Variants in MZT2B observed in about 807,000 individuals in gnomAD.
MZT2B encodes the protein mitotic-spindle organizing protein 2B.
A neutral mutation model predicts 12.1 loss-of-function variants in MZT2B; 11 were observed. The observed-to-expected ratio is 0.91, with a 90% confidence interval of 0.57 to 1.50. The LOEUF (loss-of-function observed/expected upper bound fraction) is 1.50. MZT2B is among the 40% of genes most tolerant of loss of function. MZT2B has a pLI of 0.00. For synonymous variants in MZT2B, 85 were observed against 109.5 expected (o/e 0.78, Z 1.40); for missense variants, 209 against 227.7 (o/e 0.92, Z 0.53).
the MZT2B span, among the ~76,000 whole-genome samples, chr2:130,203,556 C>T: frequency 6.6e-6 from 1 of 151,694 alleles, no homozygotes; most frequent in South Asian, 2.1e-4. Flanking sequence ...CTACTTGTGG[C>T]CCTCCACCCA....
chr2:130,183,630 C>G, intron 2 of MZT2B: 1 of 1,279,514 alleles, frequency 7.8e-7, no homozygotes, highest in Non-Finnish European at 1.1e-6. Context: ...GCACAGGCAT[C>G]CTGAGAAGGC....
At chr2:130,193,704 C>A (rs557258035), downstream of MZT2B, 41 of 1,531,954 alleles carry the variant, frequency 2.7e-5, no homozygotes, top group Non-Finnish European at 1.9e-5. Flanking sequence ...GATAGTCTCC[C>A]CAAAGGATGT....
At chr2:130,184,215 G>A (rs568439355) in intron 2 of MZT2B, 17 of 1,414,768 alleles carry the variant, frequency 1.2e-5, no homozygotes, top group South Asian at 3.0e-5. Context: ...CCCCAGAGGC[G>A]AACTGTGGTG....
At chr2:130,184,569 T>C in intron 2 of MZT2B, 1 of 985,284 alleles carries the variant, frequency 1.0e-6, no homozygotes, top group Non-Finnish European at 1.2e-6. Context: ...ACCTCCTGCG[T>C]GCACTTCCTG....
chr2:130,199,364 G>A, the MZT2B span, among the ~76,000 whole-genome samples: 2 of 119,648 alleles, frequency 1.7e-5, no homozygotes, highest in Non-Finnish European at 3.7e-5. Context: ...GGGCAACGTG[G>A]TGAGTCCCAC....
At chr2:130,194,056 G>A (rs774842992), downstream of MZT2B, 1 of 1,614,218 alleles carries the variant, frequency 6.2e-7, no homozygotes, top group South Asian at 1.1e-5. Context: ...GGATGCGGGG[G>A]TACGGCACGA....
At chr2:130,190,747 T>TG (rs1553444064), downstream of MZT2B, 49,891 of 1,289,124 alleles carry the variant, frequency 0.039, 1,495 homozygotes, top group Admixed American at 0.046. Context: ...TACCGTTTTT[T>TG]TTTTTTGTTT....
intron 2 of MZT2B, chr2:130,183,701 C>T: frequency 6.5e-7 from 1 of 1,549,986 alleles, no homozygotes; most frequent in Non-Finnish European, 8.7e-7. Context: ...CACCCGCTGA[C>T]CCAAGAGGGC....
chr2:130,198,303 G>C, the MZT2B span: 12 of 1,349,688 alleles, frequency 8.9e-6, 4 homozygotes, highest in South Asian at 1.6e-4. Flanking sequence ...CTGTCCACCC[G>C]AGGCCAACTT....
intron 2 of MZT2B, chr2:130,184,429 C>T (rs1057415890): frequency 4.4e-5 from 43 of 985,336 alleles, no homozygotes; most frequent in East Asian, 1.1e-4. Context: ...ATGCTGGCCC[C>T]GTGGCCACAC....
downstream of MZT2B, chr2:130,194,538 G>A (rs3828172): frequency 0.35 from 493,306 of 1,390,338 alleles, 80,865 homozygotes; most frequent in Admixed American, 0.42. Context: ...AGCCAGGGCC[G>A]CTTCTCTTTG....
downstream of MZT2B, among the ~76,000 whole-genome samples, chr2:130,191,535 A>G (rs928743610): frequency 6.6e-6 from 1 of 152,198 alleles, no homozygotes; most frequent in African/African-American, 2.4e-5. Flanking sequence ...CTTTCCTAGA[A>G]TTTAGGAAAT....
rs568940003 is a variant in MZT2B, at chr2:130,185,739, G to T, written c.319+2964G>T. 1.6e-4 allele frequency among the ~76,000 whole-genome samples: 22 copies of T among 139,070 alleles called. 1 individual carries two copies. In the South Asian group the frequency reaches 2.3e-3, roughly 14 times the overall value. The allele number at this position is 139,070 out of a possible 152,430, so 91.2% of individuals were successfully genotyped here. A position where few individuals can be genotyped will look rare whatever the true frequency, so the allele number is the denominator to read the frequency against. On this transcript the variant is annotated intron_variant, in intron 2 of 2. Transcript: ENST00000281871. ...ATGTGAGGGTTGTGGCACTGGAAATGCAGGCATAGAGGGGCCAGGAGGATT... is the reference window on the plus strand; with the variant it reads ...ATGTGAGGGTTGTGGCACTGGAAATTCAGGCATAGAGGGGCCAGGAGGATT...
upstream of MZT2B, chr2:130,182,255 G>C: frequency 7.9e-7 from 1 of 1,261,172 alleles, no homozygotes; most frequent in Non-Finnish European, 9.9e-7. Context: ...GCGGCGGGGC[G>C]GAGCGCACCT....
At chr2:130,198,193 CTG>C in the MZT2B span, among the ~76,000 whole-genome samples, 10 of 123,904 alleles carry the variant, frequency 8.1e-5, 2 homozygotes, top group East Asian at 2.6e-4. Flanking sequence ...GCCCTGGGAC[CTG>C]CAGATCCAGG....
At chr2:130,193,798 C>A (rs145603121), downstream of MZT2B, 724 of 1,607,822 alleles carry the variant, frequency 4.5e-4, 3 homozygotes, top group African/African-American at 8.4e-3. Context: ...TAAATCCAGT[C>A]GGGCACCAAT....
chr2:130,191,975 G>A, downstream of MZT2B: 1 of 1,613,850 alleles, frequency 6.2e-7, no homozygotes, highest in South Asian at 1.1e-5. Flanking sequence ...AGTGCACAAA[G>A]GCCCACTTGG....
At chr2:130,198,479 G>T in the MZT2B span, 1 of 1,199,038 alleles carries the variant, frequency 8.3e-7, no homozygotes, top group Non-Finnish European at 1.1e-6. Flanking sequence ...GCCTGCCGGT[G>T]CCAGGCCGCC....
chr2:130,191,941 C>T (rs1217993182), downstream of MZT2B: 2 of 1,613,952 alleles, frequency 1.2e-6, no homozygotes, highest in African/African-American at 1.3e-5. Context: ...AACTCTCCCT[C>T]TTCCATGCCT....
Sources: gnomAD v4.1 joint callset for allele counts (sites outside exome capture counted in the v4.1 genomes callset) on GRCh38, gnomAD v4.1.1 for gene constraint, MANE v1.5 for transcripts, NCBI Gene and HGNC (gene_info 2026-07-23, HGNC 2026-07-21) for gene names.